PPHLN1: variants seen among roughly 807,000 people sequenced by gnomAD.
PPHLN1 encodes periphilin-1.
A neutral mutation model predicts 51.3 loss-of-function variants in PPHLN1; 29 were observed. That is an observed-to-expected ratio of 0.57 (90% confidence interval 0.42 to 0.77). PPHLN1 has a LOEUF of 0.77. Among genes scored for constraint, PPHLN1 ranks in the 30% least tolerant of loss-of-function variants. The pLI is 0.00. For synonymous variants in PPHLN1, 147 were observed against 147.8 expected (o/e 0.99, Z 0.04); for missense variants, 436 against 438.4 (o/e 0.99, Z 0.05).
At chr12:42,441,216 C>T in intron 9 of PPHLN1, 99 bp from the exon 10 acceptor site, 1 of 1,426,538 alleles carries the variant, frequency 7.0e-7, no homozygotes, top group Non-Finnish European at 9.4e-7. Context: ...TTGTGTCTCT[C>T]TTTTAGATGT....
At chr12:42,398,290 T>C (rs1051411190) in intron 8 of PPHLN1, among the ~76,000 whole-genome samples, 1 of 152,218 alleles carries the variant, frequency 6.6e-6, no homozygotes. Flanking sequence ...ATTATTAGGC[T>C]ACAGGAGCAA....
intron 8 of PPHLN1, among the ~76,000 whole-genome samples, chr12:42,395,258 C>T (rs1039448868): frequency 1.3e-5 from 2 of 151,964 alleles, no homozygotes; most frequent in African/African-American, 4.8e-5. Flanking sequence ...TAAGTTGAGT[C>T]ATAGGTCAGA....
At chr12:42,338,270 G>A (rs1216004023) in intron 2 of PPHLN1, among the ~76,000 whole-genome samples, 1 of 152,148 alleles carries the variant, frequency 6.6e-6, no homozygotes, top group Non-Finnish European at 1.5e-5. Flanking sequence ...TACTTAAAAG[G>A]GTTTTCTGTG....
intron 5 of PPHLN1, among the ~76,000 whole-genome samples, chr12:42,381,956 G>A (rs2076792437): frequency 6.6e-6 from 1 of 152,148 alleles, no homozygotes; most frequent in African/African-American, 2.4e-5. Flanking sequence ...CTGATAGTTT[G>A]CAAGACATAG....
chr12:42,348,605 A>G (rs2072732414), intron 2 of PPHLN1, among the ~76,000 whole-genome samples: 1 of 152,206 alleles, frequency 6.6e-6, no homozygotes, highest in African/African-American at 2.4e-5. Flanking sequence ...GCTTTGTAAA[A>G]TAATAAGCTC....
intron 1 of PPHLN1, among the ~76,000 whole-genome samples, chr12:42,331,378 G>T (rs948811920): frequency 1.9e-4 from 29 of 152,200 alleles, no homozygotes; most frequent in African/African-American, 6.8e-4. Context: ...CCATTATCTT[G>T]ACTTTGGATT....
chr12:42,375,989 A>C (rs2076235531), intron 5 of PPHLN1, among the ~76,000 whole-genome samples: 1 of 152,204 alleles, frequency 6.6e-6, no homozygotes, highest in Non-Finnish European at 1.5e-5. Flanking sequence ...CAACTTTATC[A>C]ATATGTTTAT....
At chr12:42,366,338 T>C (rs6582397) in intron 4 of PPHLN1, among the ~76,000 whole-genome samples, 145,815 of 151,190 alleles carry the variant, frequency 0.96, 70,554 homozygotes, top group Middle Eastern at 1. Flanking sequence ...AGTGATTCTC[T>C]TGCCTCAGCC....
rs71084642 is a variant in PPHLN1, at chr12:42,360,458, C to CTTTTTTTTTTT, written c.299+5255_299+5265dup. The stretch of plus-strand genomic sequence containing the variant: ...ACAGTTCCTGAAGTGATGCTGAATT[C>CTTTTTTTTTTT]TTTTTTTTTTTTTTTTTTTTTTTTT... On this transcript the variant is annotated intron_variant, in intron 4 of 9. Coordinates refer to ENST00000358314, the MANE Select transcript of PPHLN1 (RefSeq NM_201439.2). Among the ~76,000 whole-genome samples, 51 of 56,292 alleles carry CTTTTTTTTTTT rather than the reference C, an allele frequency of 9.1e-4. 6 individuals carry two copies. The highest frequency in any genetic ancestry group is 2.5e-3 in the South Asian group (3 of 1,206). 36.9% of individuals were successfully genotyped at this position (56,292 alleles called of 152,430 possible).
intron 6 of PPHLN1, chr12:42,387,235 G>T (rs1383202043): frequency 7.8e-6 from 3 of 383,378 alleles, no homozygotes; most frequent in Non-Finnish European, 1.4e-5. Flanking sequence ...GGCCTAGACT[G>T]GCTTCTATGA....
chr12:42,397,743 T>G (rs2078387951), intron 8 of PPHLN1, among the ~76,000 whole-genome samples: 1 of 151,992 alleles, frequency 6.6e-6, no homozygotes, highest in South Asian at 2.1e-4. Flanking sequence ...AAACTAGGTT[T>G]GTTTGTTTTT....
chr12:42,381,902 A>G (rs1449210586), intron 5 of PPHLN1, among the ~76,000 whole-genome samples: 1 of 152,202 alleles, frequency 6.6e-6, no homozygotes, highest in African/African-American at 2.4e-5. Context: ...TTGCACTCAA[A>G]TATACCTGTT....
At chr12:42,350,318 TC>T (rs1473305987) in intron 2 of PPHLN1, 1 of 158,212 alleles carries the variant, frequency 6.3e-6, no homozygotes, top group Non-Finnish European at 1.3e-5. Context: ...GCTCCTCACT[TC>T]CTAGACGGGC....
intron 2 of PPHLN1, among the ~76,000 whole-genome samples, chr12:42,344,590 G>T (rs1249817319): frequency 6.6e-6 from 1 of 151,898 alleles, no homozygotes; most frequent in Non-Finnish European, 1.5e-5. Context: ...TAAATTAAAT[G>T]ATTTTATGTG....
At chr12:42,372,061 T>G (rs941016352) in intron 4 of PPHLN1, among the ~76,000 whole-genome samples, 27 of 152,170 alleles carry the variant, frequency 1.8e-4, no homozygotes, top group African/African-American at 6.3e-4. Flanking sequence ...CCCAATATAC[T>G]TAGCTTCTTC....
At chr12:42,436,950 A>G (rs2082534968) in intron 9 of PPHLN1, among the ~76,000 whole-genome samples, 1 of 152,194 alleles carries the variant, frequency 6.6e-6, no homozygotes, top group African/African-American at 2.4e-5. Context: ...GGACTGCTGT[A>G]CTTGTAAAGC....
At chr12:42,440,569 G>T (rs868230909) in intron 9 of PPHLN1, among the ~76,000 whole-genome samples, 12 of 152,190 alleles carry the variant, frequency 7.9e-5, no homozygotes, top group Middle Eastern at 3.2e-3. Context: ...GAGAACCTGA[G>T]AATAATATAT....
At position 42,327,309 on chromosome 12, in the gene PPHLN1, C is replaced by A. The variant is rs77819263; in HGVS notation, c.-21+1080C>A. On this transcript the variant is annotated intron_variant, in intron 1 of 9. Coordinates refer to ENST00000358314, the MANE Select transcript of PPHLN1 (RefSeq NM_201439.2). Reference sequence around the variant, plus strand: ...CATATTCAACTTCTTTAGTGAAATTCTCCTTCATCTCCTAACCTTAACTAT... The same window carrying A: ...CATATTCAACTTCTTTAGTGAAATTATCCTTCATCTCCTAACCTTAACTAT... 9.1e-3 allele frequency among the ~76,000 whole-genome samples: 1,390 copies of A among 152,308 alleles called. 16 individuals are homozygous for A. The highest frequency in any genetic ancestry group is 0.032 in the African/African-American group (1,334 of 41,560).
chr12:42,383,193 G>A (rs2076903756), intron 5 of PPHLN1, among the ~76,000 whole-genome samples: 1 of 152,216 alleles, frequency 6.6e-6, no homozygotes, highest in African/African-American at 2.4e-5. Flanking sequence ...CCACAGCAGT[G>A]TGTTGGTAAA....
Sources: gnomAD v4.1 joint callset for allele counts (sites outside exome capture counted in the v4.1 genomes callset) on GRCh38, gnomAD v4.1.1 for gene constraint, MANE v1.5 for transcripts, NCBI Gene and HGNC (gene_info 2026-07-23, HGNC 2026-07-21) for gene names.